TRIP4: variants seen among roughly 807,000 people sequenced by gnomAD.
The protein encoded by TRIP4 is activating signal cointegrator 1.
TRIP4 carries 54 observed loss-of-function variants against 81.8 expected under a neutral mutation model. That is an observed-to-expected ratio of 0.66 (90% confidence interval 0.53 to 0.83). The LOEUF (loss-of-function observed/expected upper bound fraction) is 0.83, where lower values mean the gene tolerates loss of function less well. Ranked by LOEUF, TRIP4 falls within the 40% of genes least tolerant of loss-of-function variation. TRIP4 has a pLI of 0.00. For synonymous variants in TRIP4, 270 were observed against 242.8 expected (o/e 1.11, Z -1.04); for missense variants, 662 against 683.6 (o/e 0.97, Z 0.35).
intron 12 of TRIP4, among the ~76,000 whole-genome samples, chr15:64,450,337 C>CA (rs1892727142): frequency 2.2e-5 from 3 of 139,076 alleles, no homozygotes; most frequent in African/African-American, 8.2e-5. Flanking sequence ...TGCAGTGAGT[C>CA]GAGATGGCGC....
intron 11 of TRIP4, chr15:64,444,796 G>T: frequency 4.9e-6 from 1 of 204,296 alleles, no homozygotes. Flanking sequence ...TAGGAAATCA[G>T]AGATGGCAGG....
At chr15:64,447,195 TC>T (rs1490917246) in intron 12 of TRIP4, among the ~76,000 whole-genome samples, 1 of 152,150 alleles carries the variant, frequency 6.6e-6, no homozygotes. Context: ...AAAAGCAACA[TC>T]AGCAACTCTC....
chr15:64,393,906 G>A (rs1359533232), intron 1 of TRIP4, 40 bp from the exon 2 acceptor site: 5 of 1,527,328 alleles, frequency 3.3e-6, no homozygotes, highest in South Asian at 1.3e-5. Flanking sequence ...AACAGTGTAA[G>A]TTAGTCTTGT....
chr15:64,430,702 T>C (rs1892250085), intron 11 of TRIP4, among the ~76,000 whole-genome samples: 1 of 152,184 alleles, frequency 6.6e-6, no homozygotes, highest in South Asian at 2.1e-4. Context: ...ATCTCCAAGG[T>C]CATTGATTAT....
In TRIP4 at chr15:64,397,806, C is replaced by G; in HGVS notation, c.606C>G (p.Phe202Leu). The G allele has an allele frequency of 6.2e-7, 1 of 1,614,162 alleles. No individual in the cohort carries two copies. The highest frequency in any genetic ancestry group is 2.2e-5 in the East Asian group (1 of 44,890). ...CEQEGSGPCL[F>L]CGTLVCTHEE... ...AAGAAGGCTCAGGCCCTTGCTTATT[C>G]TGTGGCACTCTGGTAAATTATTTCT... The change falls in exon 4 of 13, where the codon TTC (phenylalanine) becomes TTG (leucine). Residue 202 changes from phenylalanine (F) to leucine (L), a missense_variant. Coordinates refer to ENST00000261884, the MANE Select transcript of TRIP4 (RefSeq NM_016213.5).
At chr15:64,411,128 A>C (rs1414757153) in intron 7 of TRIP4, among the ~76,000 whole-genome samples, 1 of 152,222 alleles carries the variant, frequency 6.6e-6, no homozygotes, top group East Asian at 1.9e-4. Flanking sequence ...GATTTTAACT[A>C]TTCAGTAGTT....
intron 11 of TRIP4, among the ~76,000 whole-genome samples, chr15:64,441,291 C>T (rs567979472): frequency 4.6e-5 from 7 of 151,996 alleles, no homozygotes; most frequent in South Asian, 2.1e-4. Flanking sequence ...CCACTGCGCC[C>T]GGCCAATTCA....
At chr15:64,441,386 A>C (rs1186191078) in intron 11 of TRIP4, among the ~76,000 whole-genome samples, 9 of 152,156 alleles carry the variant, frequency 5.9e-5, no homozygotes, top group Admixed American at 5.9e-4. Context: ...ACAAAACAAA[A>C]ATCCCCGTCC....
chr15:64,437,763 G>T (rs576435850), intron 11 of TRIP4, among the ~76,000 whole-genome samples: 25 of 152,126 alleles, frequency 1.6e-4, no homozygotes, highest in Non-Finnish European at 3.2e-4. Flanking sequence ...CTAAGTGCTG[G>T]GATTACCGGC....
chr15:64,396,053 C>T (rs751727538), intron 3 of TRIP4, among the ~76,000 whole-genome samples: 2 of 151,750 alleles, frequency 1.3e-5, no homozygotes, highest in African/African-American at 4.8e-5. Context: ...GGACTGCATG[C>T]GCACACTGCC....
At chr15:64,417,681 C>T (rs1891918045) in intron 8 of TRIP4, among the ~76,000 whole-genome samples, 1 of 152,146 alleles carries the variant, frequency 6.6e-6, no homozygotes, top group Admixed American at 6.5e-5. Context: ...TAGTCCTCCA[C>T]CCTCTCTTTC....
At chr15:64,411,685 GT>G (rs34551967) in intron 7 of TRIP4, among the ~76,000 whole-genome samples, 9 of 147,292 alleles carry the variant, frequency 6.1e-5, no homozygotes, top group African/African-American at 2.0e-4. Flanking sequence ...TGTGCATACT[GT>G]TTTTTTTTTT....
intron 11 of TRIP4, among the ~76,000 whole-genome samples, chr15:64,440,448 A>G (rs1248080031): frequency 1.0e-5 from 1 of 98,468 alleles, no homozygotes; most frequent in Non-Finnish European, 1.9e-5. Context: ...GGTTATGGGG[A>G]TTGTGGTTGT....
intron 5 of TRIP4, among the ~76,000 whole-genome samples, chr15:64,401,251 C>A (rs572060400): frequency 6.6e-6 from 1 of 152,014 alleles, no homozygotes; most frequent in South Asian, 2.1e-4. Flanking sequence ...TCTCCTGCCT[C>A]AGCCTGCCAA....
chr15:64,449,089 A>G (rs1466295724), intron 12 of TRIP4, among the ~76,000 whole-genome samples: 1 of 151,820 alleles, frequency 6.6e-6, no homozygotes, highest in Non-Finnish European at 1.5e-5. Flanking sequence ...GCGTGTGCCT[A>G]TAGTGCCAGC....
chr15:64,416,288 C>T (rs1309821214), intron 8 of TRIP4, among the ~76,000 whole-genome samples: 1 of 152,038 alleles, frequency 6.6e-6, no homozygotes, highest in African/African-American at 2.4e-5. Flanking sequence ...GACCTGCTGG[C>T]AGATTCTTTA....
At chr15:64,398,424 CAAA>C (rs745672952) in intron 4 of TRIP4, among the ~76,000 whole-genome samples, 10 of 16,322 alleles carry the variant, frequency 6.1e-4, no homozygotes, top group African/African-American at 1.4e-3. Context: ...CCTGTCTCTA[CAAA>C]AAAAAAAAAA....
At chr15:64,419,762 GA>G (rs1455695280) in intron 9 of TRIP4, among the ~76,000 whole-genome samples, 30 of 152,260 alleles carry the variant, frequency 2.0e-4, no homozygotes, top group African/African-American at 6.3e-4. Context: ...GAAAAAGAAA[GA>G]TTACCTATAA....
intron 11 of TRIP4, among the ~76,000 whole-genome samples, chr15:64,439,338 C>G (rs990841909): frequency 1.3e-5 from 2 of 152,082 alleles, no homozygotes; most frequent in African/African-American, 4.8e-5. Flanking sequence ...ATTATCACCT[C>G]AGTCTTCTTG....
Sources: gnomAD v4.1 joint callset for allele counts (sites outside exome capture counted in the v4.1 genomes callset) on GRCh38, gnomAD v4.1.1 for gene constraint, MANE v1.5 for transcripts, NCBI Gene and HGNC (gene_info 2026-07-23, HGNC 2026-07-21) for gene names.